Variants in MGAT5 observed in about 807,000 individuals in gnomAD.
MGAT5 encodes the protein alpha-1,6-mannosylglycoprotein 6-beta-N-acetylglucosaminyltransferase.
MGAT5 carries 30 observed loss-of-function variants against 94.3 expected under a neutral mutation model. The ratio of observed to expected loss-of-function variants is 0.32; its 90% CI spans 0.24 to 0.43. MGAT5 has a LOEUF of 0.43. Among genes scored for constraint, MGAT5 ranks in the 20% least tolerant of loss-of-function variants. The probability of loss-of-function intolerance (pLI) is 1.00; values close to 1 mark genes in which losing one functional copy is unlikely to be tolerated. For missense variants in MGAT5, 691 were observed against 905.5 expected, an observed-to-expected ratio of 0.76 and a Z score of 3.04; for synonymous variants, 310 against 322.9, an observed-to-expected ratio of 0.96 and a Z score of 0.43.
At chr2:134,390,343 T>A (rs926275942) in intron 10 of MGAT5, among the ~76,000 whole-genome samples, 1 of 146,596 alleles carries the variant, frequency 6.8e-6, no homozygotes, top group Non-Finnish European at 1.5e-5. Flanking sequence ...CTTCAGTTAC[T>A]TTGTTTGTTT....
intron 1 of MGAT5, among the ~76,000 whole-genome samples, chr2:134,138,963 T>TC (rs1308920989): frequency 6.6e-6 from 1 of 152,204 alleles, no homozygotes; most frequent in Non-Finnish European, 1.5e-5. Flanking sequence ...GTGCCTACTT[T>TC]CCATTACATG....
upstream of MGAT5, among the ~76,000 whole-genome samples, chr2:134,253,390 T>C (rs1052108309): frequency 4.6e-5 from 7 of 152,192 alleles, no homozygotes; most frequent in African/African-American, 1.7e-4. Context: ...TTGCAACCTA[T>C]GCTCAGGTCC....
chr2:134,123,065 TA>T (rs1341832276), intron 1 of MGAT5, among the ~76,000 whole-genome samples: 1 of 152,222 alleles, frequency 6.6e-6, no homozygotes, highest in Non-Finnish European at 1.5e-5. Context: ...TGTTCTTTGG[TA>T]GAATCTGGAA....
intron 8 of MGAT5, among the ~76,000 whole-genome samples, chr2:134,345,286 C>T (rs540002475): frequency 6.6e-6 from 1 of 152,244 alleles, no homozygotes; most frequent in South Asian, 2.1e-4. Flanking sequence ...TCCTTTCTAC[C>T]TTGACTAATG....
chr2:134,300,071 A>G (rs1685925961), intron 2 of MGAT5, among the ~76,000 whole-genome samples: 1 of 152,192 alleles, frequency 6.6e-6, no homozygotes, highest in African/African-American at 2.4e-5. Flanking sequence ...AACAGAAGTA[A>G]AGTGAAGATT....
intron 1 of MGAT5, among the ~76,000 whole-genome samples, chr2:134,223,320 A>G (rs1030890278): frequency 2.0e-5 from 3 of 152,164 alleles, no homozygotes; most frequent in Non-Finnish European, 4.4e-5. Flanking sequence ...GGCGTAGAGC[A>G]GGGTAGCTCC....
At chr2:134,159,681 A>G (rs1254450869) in intron 1 of MGAT5, among the ~76,000 whole-genome samples, 1 of 152,120 alleles carries the variant, frequency 6.6e-6, no homozygotes, top group Non-Finnish European at 1.5e-5. Context: ...GAAACCCTGT[A>G]TCTACTAAAA....
chr2:134,162,366 G>A (rs1251793776), intron 1 of MGAT5, among the ~76,000 whole-genome samples: 1 of 152,170 alleles, frequency 6.6e-6, no homozygotes, highest in East Asian at 1.9e-4. Context: ...TGACCAGAAG[G>A]AGATGGCAGT....
Position 134,214,561 on chromosome 2 carries a change from G to A in MGAT5, c.-142-39701G>A, listed in dbSNP as rs376844267. Among the ~76,000 whole-genome samples the A allele has an allele frequency of 1.1e-4, 16 of 151,772 alleles. No homozygotes were observed. The South Asian group carries it at 1.5e-3, about 14-fold the overall frequency. ...GCATTTAGCCCTTGGGCCATGGGTT[G>A]GACAAGCTAGCTATAGAGCTTTCAA... On this transcript the variant is annotated intron_variant, in intron 1 of 16. Transcript: ENST00000409645.
At chr2:134,213,721 A>G (rs1307518731) in intron 1 of MGAT5, among the ~76,000 whole-genome samples, 3 of 152,236 alleles carry the variant, frequency 2.0e-5, no homozygotes, top group African/African-American at 4.8e-5. Flanking sequence ...TTTGTTGGAA[A>G]GGATATTACC....
At chr2:134,413,786 C>T (rs560232537) in intron 12 of MGAT5, among the ~76,000 whole-genome samples, 2 of 152,316 alleles carry the variant, frequency 1.3e-5, no homozygotes, top group African/African-American at 4.8e-5. Flanking sequence ...ATAGCAGCAT[C>T]CTTGTCATTC....
chr2:134,432,401 G>A (rs907850584), intron 14 of MGAT5, among the ~76,000 whole-genome samples: 4 of 152,196 alleles, frequency 2.6e-5, no homozygotes, highest in African/African-American at 7.2e-5. Flanking sequence ...GTCCTAGGAT[G>A]TCTGTTCATC....
intron 1 of MGAT5, among the ~76,000 whole-genome samples, chr2:134,245,556 A>T (rs1018364026): frequency 6.6e-6 from 1 of 152,120 alleles, no homozygotes; most frequent in African/African-American, 2.4e-5. Flanking sequence ...TACCCCACCC[A>T]CGCCCTCTAG....
intron 9 of MGAT5, among the ~76,000 whole-genome samples, 185 bp from the exon 10 acceptor site, chr2:134,362,090 A>ATGAC (rs746980776): frequency 1.3e-5 from 2 of 152,208 alleles, no homozygotes; most frequent in African/African-American, 2.4e-5. Flanking sequence ...AGTATTCTTC[A>ATGAC]TGACGGTTTT....
intron 10 of MGAT5, among the ~76,000 whole-genome samples, chr2:134,390,701 C>T (rs1682348219): frequency 1.3e-5 from 2 of 152,208 alleles, no homozygotes; most frequent in Non-Finnish European, 2.9e-5. Context: ...ATTTATGTCA[C>T]ATGATATGTA....
intron 1 of MGAT5, among the ~76,000 whole-genome samples, chr2:134,158,337 G>A (rs887028092): frequency 2.0e-5 from 3 of 152,162 alleles, no homozygotes; most frequent in Middle Eastern, 3.2e-3. Context: ...CCCTCTAAGC[G>A]CCCCCTTGGC....
chr2:134,329,987 C>T (rs1687866238), intron 4 of MGAT5, among the ~76,000 whole-genome samples: 1 of 152,030 alleles, frequency 6.6e-6, no homozygotes, highest in Non-Finnish European at 1.5e-5. Context: ...GTGCAGGGGG[C>T]TTACTTTTTT....
chr2:134,223,743 T>G, intron 1 of MGAT5, among the ~76,000 whole-genome samples: 1 of 152,236 alleles, frequency 6.6e-6, no homozygotes, highest in Non-Finnish European at 1.5e-5. Flanking sequence ...AGCCTTATTA[T>G]GCTTGCCTGA....
At chr2:134,145,525 G>A (rs549030073) in intron 1 of MGAT5, among the ~76,000 whole-genome samples, 1 of 152,122 alleles carries the variant, frequency 6.6e-6, no homozygotes, top group Non-Finnish European at 1.5e-5. Flanking sequence ...CAGCCTGGGC[G>A]ACAGAGCGAG....
Sources: allele counts gnomAD v4.1 joint callset (sites outside exome capture counted in the v4.1 genomes callset), GRCh38; gene constraint gnomAD v4.1.1; transcripts MANE v1.5; gene names NCBI Gene and HGNC (gene_info 2026-07-23, HGNC 2026-07-21).